Variants in TAFA4 observed in about 807,000 individuals in gnomAD.
TAFA4 encodes the protein chemokine-like protein TAFA-4.
In TAFA4, 20 loss-of-function variants were observed where a neutral mutation model predicts 21.1. The observed-to-expected ratio is 0.95, with a 90% CI of 0.67 to 1.38. The LOEUF (loss-of-function observed/expected upper bound fraction) is 1.38. Among genes scored for constraint, TAFA4 ranks in the 40% most tolerant of loss-of-function variants. The pLI is 0.00. For synonymous variants in TAFA4, 71 were observed against 67.4 expected (o/e 1.05, Z -0.26); for missense variants, 211 against 180.9 (o/e 1.17, Z -0.95).
intron 2 of TAFA4, among the ~76,000 whole-genome samples, chr3:68,882,157 A>G (rs1227608747): frequency 1.3e-5 from 2 of 152,208 alleles, no homozygotes; most frequent in African/African-American, 2.4e-5. Context: ...CTGTTTCAAA[A>G]TGGTTTTAAA....
chr3:68,911,396 T>C (rs1050422102), intron 1 of TAFA4, among the ~76,000 whole-genome samples: 1 of 152,196 alleles, frequency 6.6e-6, no homozygotes, highest in Non-Finnish European at 1.5e-5. Context: ...GAAAAGACAC[T>C]AACAAAGACT....
At chr3:68,790,595 A>G (rs1165991938) in intron 3 of TAFA4, among the ~76,000 whole-genome samples, 1 of 152,246 alleles carries the variant, frequency 6.6e-6, no homozygotes, top group Non-Finnish European at 1.5e-5. Context: ...GTTCTCAGGT[A>G]GAAGGTCAGC....
At chr3:68,890,183 G>C (rs554963090) in intron 1 of TAFA4, among the ~76,000 whole-genome samples, 6 of 152,318 alleles carry the variant, frequency 3.9e-5, no homozygotes, top group Non-Finnish European at 7.4e-5. Context: ...AAGAGAGACA[G>C]AAGAGCAGGA....
At position 68,783,711 on chromosome 3, in the gene TAFA4, GA is replaced by G. The variant is rs374200766; in HGVS notation, c.131-30694del. 3.8e-3 allele frequency among the ~76,000 whole-genome samples: 210 copies of G among 55,556 alleles called. 3 individuals carry two copies. The South Asian group carries it at 0.089, about 24-fold the overall frequency. The allele number at this position is 55,556 out of a possible 152,430, so 36.4% of individuals were successfully genotyped here. Reference sequence around the variant, plus strand: ...AGAGAGAGAGAGAGAGAGAGAGAAAGAAAAAGAAAGAAAGAAAGAAAGAAAG... The same window carrying G: ...AGAGAGAGAGAGAGAGAGAGAGAAAGAAAAGAAAGAAAGAAAGAAAGAAAG... On this transcript the variant is annotated intron_variant, in intron 3 of 5. Transcript: ENST00000295569.
intron 3 of TAFA4, among the ~76,000 whole-genome samples, chr3:68,814,188 T>A (rs1703908361): frequency 1.3e-5 from 2 of 151,344 alleles, no homozygotes; most frequent in Admixed American, 1.3e-4. Flanking sequence ...CAGCTATCTA[T>A]GACAAACCCA....
intron 1 of TAFA4, among the ~76,000 whole-genome samples, chr3:68,904,371 A>G (rs753946576): frequency 3.3e-5 from 5 of 152,242 alleles, no homozygotes; most frequent in Non-Finnish European, 5.9e-5. Context: ...AACAGCTGTG[A>G]GAAAAAGGAG....
chr3:68,746,257 C>T (rs1702456643), intron 4 of TAFA4, among the ~76,000 whole-genome samples: 1 of 152,130 alleles, frequency 6.6e-6, no homozygotes, highest in African/African-American at 2.4e-5. Context: ...AGCTTGCAGA[C>T]AGCCACTTGT....
At chr3:68,749,639 GA>G in intron 4 of TAFA4, among the ~76,000 whole-genome samples, 1 of 152,294 alleles carries the variant, frequency 6.6e-6, no homozygotes, top group East Asian at 1.9e-4. Flanking sequence ...CAGTGACTTT[GA>G]TCCAATAAAC....
At chr3:68,781,878 A>G (rs967988171) in intron 3 of TAFA4, among the ~76,000 whole-genome samples, 2 of 152,196 alleles carry the variant, frequency 1.3e-5, no homozygotes, top group African/African-American at 4.8e-5. Context: ...CAAATCAGTA[A>G]GAACTAAAAC....
At chr3:68,927,414 G>A (rs1425838358) in intron 1 of TAFA4, among the ~76,000 whole-genome samples, 1 of 152,070 alleles carries the variant, frequency 6.6e-6, no homozygotes, top group Non-Finnish European at 1.5e-5. Context: ...TAAAAAAAAT[G>A]AATAAATAAT....
At chr3:68,929,017 T>C (rs2090135881) in intron 1 of TAFA4, among the ~76,000 whole-genome samples, 1 of 151,134 alleles carries the variant, frequency 6.6e-6, no homozygotes, top group Non-Finnish European at 1.5e-5. Flanking sequence ...TTTGACTGAC[T>C]GAAGGGAAAT....
At chr3:68,915,498 TTGG>T (rs1056087185) in intron 1 of TAFA4, among the ~76,000 whole-genome samples, 4 of 152,234 alleles carry the variant, frequency 2.6e-5, no homozygotes, top group African/African-American at 7.2e-5. Flanking sequence ...AGGGTCATTG[TTGG>T]ACATGTACAG....
intron 1 of TAFA4, chr3:68,916,116 T>C (rs1308180296): frequency 7.2e-5 from 11 of 152,230 alleles, no homozygotes; most frequent in Admixed American, 7.2e-4. Flanking sequence ...AGAAATGTTG[T>C]GAGGTTCCCA....
intron 3 of TAFA4, among the ~76,000 whole-genome samples, chr3:68,819,876 C>T (rs1218874481): frequency 6.6e-6 from 1 of 152,140 alleles, no homozygotes; most frequent in African/African-American, 2.4e-5. Context: ...AACAGTACGA[C>T]ATTCCTTTGA....
At chr3:68,889,548 G>A (rs1023632988) in intron 1 of TAFA4, among the ~76,000 whole-genome samples, 3 of 152,004 alleles carry the variant, frequency 2.0e-5, no homozygotes, top group African/African-American at 7.2e-5. Flanking sequence ...ATACCTCTTC[G>A]GTCTGCTACA....
intron 1 of TAFA4, among the ~76,000 whole-genome samples, chr3:68,915,151 G>A (rs997658217): frequency 2.6e-5 from 4 of 151,964 alleles, no homozygotes; most frequent in Admixed American, 6.6e-5. Flanking sequence ...TAATTCTTTC[G>A]TACTAAGAGG....
In TAFA4 at chr3:68,742,410, A is replaced by G. The variant is rs1702375303; in HGVS notation, c.287-3211T>C. Among the ~76,000 whole-genome samples, 3 of 115,878 alleles carry G rather than the reference A, an allele frequency of 2.6e-5. No individual in the cohort carries two copies. The South Asian group carries it at 1.2e-3, about 46-fold the overall frequency. 76.0% of individuals were successfully genotyped at this position (115,878 alleles called of 152,430 possible). On this transcript the variant is annotated intron_variant, in intron 4 of 5. Coordinates refer to ENST00000295569, the MANE Select transcript of TAFA4 (RefSeq NM_182522.5). ...AGGAAGCCCTGAAGACTTTCCTGAC[A>G]GGTTTGACTCAAACTATGCTGCCTG... is the stretch of plus-strand genomic sequence containing the variant.
chr3:68,811,167 T>C (rs138831398), intron 3 of TAFA4, among the ~76,000 whole-genome samples: 3,922 of 152,224 alleles, frequency 0.026, 171 homozygotes, highest in African/African-American at 0.09. Context: ...CAAAACCCCA[T>C]CTGTCGGTCA....
Position 68,910,553 on chromosome 3 carries a change from T to C in TAFA4, c.-123+21687A>G, listed in dbSNP as rs557092641. ...GAGCCAACCCTTTAAGCCAGAGATA[T>C]ACTTAAGAATTCTCAAGCCATCATC... On this transcript the variant is annotated intron_variant, in intron 1 of 5. Transcript: ENST00000295569. 4.6e-5 allele frequency among the ~76,000 whole-genome samples: 7 copies of C among 152,270 alleles called. No individual in the cohort carries two copies. The South Asian group carries it at 1.0e-3, about 23-fold the overall frequency.
Sources: allele counts gnomAD v4.1 joint callset (sites outside exome capture counted in the v4.1 genomes callset), GRCh38; gene constraint gnomAD v4.1.1; transcripts MANE v1.5; gene names NCBI Gene and HGNC (gene_info 2026-07-23, HGNC 2026-07-21).